TTLL5: variants seen among roughly 807,000 people sequenced by gnomAD.
TTLL5 encodes the protein tubulin tyrosine ligase like 5, also known as tubulin polyglutamylase TTLL5.
Under a neutral mutation model 168.4 loss-of-function variants are expected in TTLL5, and 132 were observed. The observed-to-expected ratio is 0.78, with a 90% CI of 0.68 to 0.91. TTLL5 has a LOEUF of 0.91. TTLL5 is among the 40% of genes least tolerant of loss of function. TTLL5 has a pLI of 0.00. For synonymous variants in TTLL5, 546 were observed against 558.6 expected (o/e 0.98, Z 0.32); for missense variants, 1,545 against 1,581.5 (o/e 0.98, Z 0.39).
chr14:75,681,075 A>G (rs569733950), intron 3 of TTLL5, among the ~76,000 whole-genome samples: 1 of 152,282 alleles, frequency 6.6e-6, no homozygotes, highest in African/African-American at 2.4e-5. Context: ...AAATATAGTA[A>G]TCAGAATATT....
At chr14:75,700,030 A>G (rs535522337) in intron 7 of TTLL5, among the ~76,000 whole-genome samples, 42 of 152,240 alleles carry the variant, frequency 2.8e-4, no homozygotes, top group African/African-American at 9.4e-4. Context: ...TTTTATGTTT[A>G]TGTTTTAAAC....
chr14:75,715,949 A>G (rs1206313903), intron 9 of TTLL5, among the ~76,000 whole-genome samples: 1 of 152,182 alleles, frequency 6.6e-6, no homozygotes, highest in East Asian at 1.9e-4. Flanking sequence ...TGTAGTAACT[A>G]CAAGAGATGA....
chr14:75,831,788 T>C (rs2139810599), intron 28 of TTLL5, among the ~76,000 whole-genome samples: 1 of 152,342 alleles, frequency 6.6e-6, no homozygotes, highest in African/African-American at 2.4e-5. Context: ...TTACTGTGTG[T>C]GCATAGTATA....
In TTLL5 at chr14:75,925,062, G is replaced by A. The variant is rs547500198; in HGVS notation, c.3823+22838G>A. On this transcript the variant is annotated intron_variant, in intron 31 of 31. Coordinates refer to ENST00000298832, the MANE Select transcript of TTLL5 (RefSeq NM_015072.5). ...CGGGCAGAGGCGCCCCTCACCTCCA[G>A]GATGGGGCGGCTGGTCGGGCGGGGG... Among the ~76,000 whole-genome samples, 35 of 138,022 alleles carry A rather than the reference G, an allele frequency of 2.5e-4. 2 individuals are homozygous for A. In the South Asian group the frequency reaches 5.8e-3, roughly 23 times the overall value. The allele number at this position is 138,022 out of a possible 152,430, so 90.5% of individuals were successfully genotyped here.
intron 13 of TTLL5, 53 bp downstream of exon 13, chr14:75,732,472 G>A (rs1888605242): frequency 6.1e-6 from 9 of 1,468,910 alleles, no homozygotes; most frequent in Admixed American, 2.0e-5. Flanking sequence ...AGTACTTAAA[G>A]CACTTTTTTT....
chr14:75,704,077 C>A (rs1446267150), intron 7 of TTLL5, among the ~76,000 whole-genome samples: 3 of 152,144 alleles, frequency 2.0e-5, no homozygotes, highest in Non-Finnish European at 4.4e-5. Context: ...TCACTTAATC[C>A]ATATATGAAC....
At chr14:75,814,699 A>C (rs1049322335) in intron 27 of TTLL5, 34 of 152,216 alleles carry the variant, frequency 2.2e-4, no homozygotes, top group African/African-American at 8.2e-4. Flanking sequence ...TACTTAATTT[A>C]ATCTAGAGAT....
intron 31 of TTLL5, among the ~76,000 whole-genome samples, chr14:75,949,365 C>T (rs1439870855): frequency 8.1e-6 from 1 of 123,192 alleles, no homozygotes; most frequent in East Asian, 2.2e-4. Flanking sequence ...TATATGTATT[C>T]TTTATATAAG....
chr14:75,793,142 G>A, intron 27 of TTLL5, 42 bp downstream of exon 27: 1 of 1,482,132 alleles, frequency 6.7e-7, no homozygotes, highest in South Asian at 1.5e-5. Flanking sequence ...TTGGACCTGA[G>A]GATAGAATTA....
chr14:75,763,214 A>G (rs1890760846), intron 18 of TTLL5, among the ~76,000 whole-genome samples: 1 of 150,870 alleles, frequency 6.6e-6, no homozygotes, highest in Non-Finnish European at 1.5e-5. Context: ...TATTTTCTTT[A>G]TTATTGAATT....
In TTLL5 at chr14:75,834,574, C is replaced by T. The variant is rs574813475; in HGVS notation, c.3326+14413C>T. Among the ~76,000 whole-genome samples, 3 of 152,280 alleles carry T rather than the reference C, an allele frequency of 2.0e-5. No individual in the cohort carries two copies. The South Asian group carries it at 6.2e-4, about 32-fold the overall frequency. Reference sequence around the variant, plus strand: ...CCCCTTACTCTGTATATTTTTTACTCCCTGCCATCCCAGGCAGTCTAAATA... The same window carrying T: ...CCCCTTACTCTGTATATTTTTTACTTCCTGCCATCCCAGGCAGTCTAAATA... On this transcript the variant is annotated intron_variant, in intron 28 of 31. Transcript: ENST00000298832.
chr14:75,946,505 T>C (rs8007160), intron 31 of TTLL5, among the ~76,000 whole-genome samples: 121,421 of 152,230 alleles, frequency 0.8, 48,565 homozygotes, highest in African/African-American at 0.85. Context: ...CAAATAAAAG[T>C]ATTGGCCCTT....
At chr14:75,905,620 T>C (rs2033112389) in intron 31 of TTLL5, among the ~76,000 whole-genome samples, 1 of 152,222 alleles carries the variant, frequency 6.6e-6, no homozygotes, top group Non-Finnish European at 1.5e-5. Context: ...AGAAGGAAGC[T>C]GGAGTGAGAG....
At chr14:75,796,726 G>C (rs1262826651) in intron 27 of TTLL5, among the ~76,000 whole-genome samples, 1 of 152,074 alleles carries the variant, frequency 6.6e-6, no homozygotes, top group African/African-American at 2.4e-5. Context: ...TCAAAGATCA[G>C]TTGGCTGTTA....
At chr14:75,752,735 G>A (rs1890024819) in intron 17 of TTLL5, among the ~76,000 whole-genome samples, 158 bp from the exon 18 acceptor site, 1 of 151,940 alleles carries the variant, frequency 6.6e-6, no homozygotes, top group Non-Finnish European at 1.5e-5. Context: ...TTAAATTTGA[G>A]CAACTGTCTT....
chr14:75,936,281 G>T lies in TTLL5; in HGVS notation c.3824-18143G>T, dbSNP rs8019329. Among the ~76,000 whole-genome samples, 964 of 152,132 alleles carry T rather than the reference G, an allele frequency of 6.3e-3. 5 individuals carry two copies. Among genetic ancestry groups the T allele is most frequent in the South Asian group, 0.026 (126 of 4,814 alleles). ...GAGAGTTCCAAGATTAATTTTCTACGAAATGTCTGTTACTTTGCTCCAGCA... is the reference window on the plus strand; with the variant it reads ...GAGAGTTCCAAGATTAATTTTCTACTAAATGTCTGTTACTTTGCTCCAGCA... On this transcript the variant is annotated intron_variant, in intron 31 of 31. Coordinates refer to ENST00000298832, the MANE Select transcript of TTLL5 (RefSeq NM_015072.5).
At chr14:75,709,221 G>A in intron 9 of TTLL5, 1 of 762,442 alleles carries the variant, frequency 1.3e-6, no homozygotes. Context: ...ATAAAAGAAG[G>A]CTACCTATTT....
rs1566598300 is a variant in TTLL5, at chr14:75,773,971, G to GAGAA, written c.2137-1510_2137-1509insAAGA. ...AGAGAGAGAGAAAGAGAGAGAGAGA[G>GAGAA]AGAGAGAGAGAGAGAGAGAGAGAGA... On this transcript the variant is annotated intron_variant, in intron 21 of 31. Transcript: ENST00000298832. Among the ~76,000 whole-genome samples the GAGAA allele has an allele frequency of 7.3e-4, 92 of 126,648 alleles. 1 individual carries two copies. The highest frequency in any genetic ancestry group is 2.7e-3 in the African/African-American group (78 of 29,018). 83.1% of individuals were successfully genotyped at this position (126,648 alleles called of 152,430 possible). A position where few individuals can be genotyped will look rare whatever the true frequency, so the allele number is the denominator to read the frequency against.
chr14:75,694,224 T>G (rs1885664434), intron 6 of TTLL5, among the ~76,000 whole-genome samples: 1 of 152,222 alleles, frequency 6.6e-6, no homozygotes, highest in South Asian at 2.1e-4. Flanking sequence ...AGAACAATCC[T>G]TGTTCTGAAA....
Sources: gnomAD v4.1 joint callset for allele counts (sites outside exome capture counted in the v4.1 genomes callset) on GRCh38, gnomAD v4.1.1 for gene constraint, MANE v1.5 for transcripts, NCBI Gene and HGNC (gene_info 2026-07-23, HGNC 2026-07-21) for gene names.